Variants in NXPH1 observed in about 807,000 individuals in gnomAD.
The protein encoded by NXPH1 is neurexophilin 1.
A neutral mutation model predicts 23.7 loss-of-function variants in NXPH1; 5 were observed. The ratio of observed to expected loss-of-function variants is 0.21; its 90% CI spans 0.11 to 0.44. The LOEUF (loss-of-function observed/expected upper bound fraction) is 0.44, where lower values mean the gene tolerates loss of function less well. Ranked by LOEUF, NXPH1 falls within the 20% of genes least tolerant of loss-of-function variation. NXPH1 has a pLI of 0.99. For missense variants in NXPH1, 324 were observed against 321.6 expected, an observed-to-expected ratio of 1.01 and a Z score of -0.06; for synonymous variants, 144 against 122.2, an observed-to-expected ratio of 1.18 and a Z score of -1.18.
chr7:8,662,073 G>A (rs1462557316), intron 2 of NXPH1, among the ~76,000 whole-genome samples: 1 of 151,770 alleles, frequency 6.6e-6, no homozygotes, highest in Non-Finnish European at 1.5e-5. Context: ...CAACCAAAAA[G>A]TTGCTCAGGA....
In NXPH1 at chr7:8,498,169, ACC is replaced by A. The variant is rs1817370371; in HGVS notation, c.54+62403_54+62404del. Among the ~76,000 whole-genome samples the A allele has an allele frequency of 2.0e-5, 3 of 152,170 alleles. No homozygotes were observed. In the South Asian group the frequency reaches 6.2e-4, roughly 32 times the overall value. On this transcript the variant is annotated intron_variant, in intron 2 of 2. Coordinates refer to ENST00000405863, the MANE Select transcript of NXPH1 (RefSeq NM_152745.3). Reference sequence around the variant, plus strand: ...CACGCAAGTTATTATTATTACAAGTACCTTATTTAGATGGACATCAGCTTCAT... The same window carrying A: ...CACGCAAGTTATTATTATTACAAGTATTATTTAGATGGACATCAGCTTCAT...
chr7:8,689,325 A>T (rs1821193132), intron 2 of NXPH1, among the ~76,000 whole-genome samples: 1 of 152,152 alleles, frequency 6.6e-6, no homozygotes, highest in Non-Finnish European at 1.5e-5. Flanking sequence ...AGTGAAAAAA[A>T]AAAAAACCAA....
intron 2 of NXPH1, among the ~76,000 whole-genome samples, chr7:8,516,557 G>C (rs536010155): frequency 2.6e-5 from 4 of 152,218 alleles, no homozygotes; most frequent in Admixed American, 6.5e-5. Flanking sequence ...TCCTGCTGGG[G>C]TTTCCATTAA....
chr7:8,699,437 C>G (rs1275228252), intron 2 of NXPH1, among the ~76,000 whole-genome samples: 1 of 148,432 alleles, frequency 6.7e-6, no homozygotes, highest in African/African-American at 2.5e-5. Context: ...TTTATCTCAT[C>G]AAGTACCAAC....
At position 8,526,972 on chromosome 7, in the gene NXPH1, C is replaced by G. The variant is rs116511131; in HGVS notation, c.54+91205C>G. ...CTTTTAATTCCTGTTCTTGTAATAC[C>G]AGTCAGGACCACTCTGATGATAATA... On this transcript the variant is annotated intron_variant, in intron 2 of 2. Coordinates refer to ENST00000405863, the MANE Select transcript of NXPH1 (RefSeq NM_152745.3). 4.3e-3 allele frequency among the ~76,000 whole-genome samples: 652 copies of G among 152,160 alleles called. 6 individuals carry two copies. The highest frequency in any genetic ancestry group is 0.015 in the African/African-American group (634 of 41,494).
chr7:8,748,321 G>C (rs1034239994), intron 2 of NXPH1, among the ~76,000 whole-genome samples: 1 of 152,136 alleles, frequency 6.6e-6, no homozygotes, highest in Non-Finnish European at 1.5e-5. Flanking sequence ...CAAAGCAAGG[G>C]TTGAGCAAAA....
At chr7:8,437,707 G>C (rs551376065) in intron 2 of NXPH1, among the ~76,000 whole-genome samples, 1 of 152,214 alleles carries the variant, frequency 6.6e-6, no homozygotes, top group African/African-American at 2.4e-5. Context: ...ATTCTAATGC[G>C]CTGCGTTCTC....
intron 2 of NXPH1, among the ~76,000 whole-genome samples, chr7:8,638,696 A>G (rs2115140972): frequency 6.6e-6 from 1 of 152,296 alleles, no homozygotes; most frequent in South Asian, 2.1e-4. Flanking sequence ...TGCTGTGCAT[A>G]TTAATTTGGT....
intron 2 of NXPH1, among the ~76,000 whole-genome samples, chr7:8,579,844 C>T (rs1222275275): frequency 6.6e-6 from 1 of 152,172 alleles, no homozygotes; most frequent in Non-Finnish European, 1.5e-5. Context: ...CTATAGCCAT[C>T]CCTATTAAAT....
chr7:8,666,296 T>G (rs560550718), intron 2 of NXPH1, among the ~76,000 whole-genome samples: 1 of 152,112 alleles, frequency 6.6e-6, no homozygotes, highest in Admixed American at 6.5e-5. Context: ...TCTATTGATA[T>G]GATCATATGG....
chr7:8,524,079 C>A (rs1298548604), intron 2 of NXPH1, among the ~76,000 whole-genome samples: 1 of 151,806 alleles, frequency 6.6e-6, no homozygotes, highest in Non-Finnish European at 1.5e-5. Context: ...CCCTTCTCTA[C>A]TAAAAATCCA....
chr7:8,436,681 T>C (rs924731536), intron 2 of NXPH1, among the ~76,000 whole-genome samples: 6 of 152,172 alleles, frequency 3.9e-5, no homozygotes, highest in Admixed American at 1.3e-4. Flanking sequence ...TGAAGTTGTG[T>C]TCAGTGTCCC....
chr7:8,629,511 T>C (rs1820077238), intron 2 of NXPH1, among the ~76,000 whole-genome samples: 1 of 152,274 alleles, frequency 6.6e-6, no homozygotes, highest in East Asian at 1.9e-4. Context: ...GGGCAGGTTT[T>C]CATAGCTAGT....
intron 2 of NXPH1, among the ~76,000 whole-genome samples, chr7:8,548,128 T>G (rs185882568): frequency 4.5e-4 from 68 of 151,632 alleles, no homozygotes; most frequent in African/African-American, 1.6e-3. Flanking sequence ...TCCCAAAAGG[T>G]ATAATTCTTA....
At chr7:8,590,505 C>A (rs907736434) in intron 2 of NXPH1, among the ~76,000 whole-genome samples, 1 of 152,038 alleles carries the variant, frequency 6.6e-6, no homozygotes, top group African/African-American at 2.4e-5. Flanking sequence ...GGTCTTTTTA[C>A]ATAATAGCGA....
Position 8,442,412 on chromosome 7 carries a change from A to G in NXPH1, c.54+6645A>G, listed in dbSNP as rs1046871277. On this transcript the variant is annotated intron_variant, in intron 2 of 2. Coordinates refer to ENST00000405863, the MANE Select transcript of NXPH1 (RefSeq NM_152745.3). The surrounding 1 kb of genome is among the most constrained non-coding windows in gnomAD (Gnocchi z 4.6). Reference sequence around the variant, plus strand: ...CCTCGCCATCACCCCCGCCGCCCTAATGGATTCTGAAGCGAAGGATCCTAG... The same window carrying G: ...CCTCGCCATCACCCCCGCCGCCCTAGTGGATTCTGAAGCGAAGGATCCTAG... Among the ~76,000 whole-genome samples, 10 of 152,256 alleles carry G rather than the reference A, an allele frequency of 6.6e-5. No homozygotes were observed. The highest frequency in any genetic ancestry group is 2.4e-4 in the African/African-American group (10 of 41,540).
intron 2 of NXPH1, among the ~76,000 whole-genome samples, chr7:8,749,372 G>T (rs1415432314): frequency 6.6e-6 from 1 of 152,168 alleles, no homozygotes; most frequent in Admixed American, 6.5e-5. Context: ...AGAGCTGGGA[G>T]GGAATTCCAG....
chr7:8,449,246 G>C (rs1816461836), intron 2 of NXPH1, among the ~76,000 whole-genome samples: 1 of 152,210 alleles, frequency 6.6e-6, no homozygotes. Flanking sequence ...CCTCTCATAT[G>C]CTGCTAAAAA....
At chr7:8,631,429 A>T (rs1439914254) in intron 2 of NXPH1, among the ~76,000 whole-genome samples, 1 of 152,216 alleles carries the variant, frequency 6.6e-6, no homozygotes, top group East Asian at 1.9e-4. Context: ...GACAAATGGA[A>T]TCTAATTAAA....
Sources: gnomAD v4.1 joint callset for allele counts (sites outside exome capture counted in the v4.1 genomes callset) on GRCh38, gnomAD v4.1.1 for gene constraint, Gnocchi (gnomAD v3.1) non-coding constraint, MANE v1.5 for transcripts, NCBI Gene and HGNC (gene_info 2026-07-23, HGNC 2026-07-21) for gene names.